RASGRP3: variants seen among roughly 807,000 people sequenced by gnomAD.
RASGRP3 encodes ras guanyl-releasing protein 3.
RASGRP3 carries 54 observed loss-of-function variants against 82.7 expected under a neutral mutation model. That is an observed-to-expected ratio of 0.65 (90% CI 0.52 to 0.82). The LOEUF is 0.82. Ranked by LOEUF, RASGRP3 falls within the 40% of genes least tolerant of loss-of-function variation. The pLI is 0.00. For synonymous variants in RASGRP3, 309 were observed against 300.5 expected (o/e 1.03, Z -0.29); for missense variants, 861 against 828.9 (o/e 1.04, Z -0.48).
chr2:33,545,971 T>C (rs541380288), intron 13 of RASGRP3, among the ~76,000 whole-genome samples: 2 of 151,992 alleles, frequency 1.3e-5, no homozygotes, highest in African/African-American at 2.4e-5. Flanking sequence ...CCAGGCAATT[T>C]TTTTTTTCTT....
At chr2:33,439,964 C>A (rs1239860562) in intron 1 of RASGRP3, among the ~76,000 whole-genome samples, 1 of 152,148 alleles carries the variant, frequency 6.6e-6, no homozygotes, top group Non-Finnish European at 1.5e-5. Context: ...GGAGACACAT[C>A]TGAGAACAAA....
At chr2:33,489,735 C>T (rs1668695335) in intron 1 of RASGRP3, among the ~76,000 whole-genome samples, 1 of 152,106 alleles carries the variant, frequency 6.6e-6, no homozygotes, top group South Asian at 2.1e-4. Flanking sequence ...GGGGGTTTCA[C>T]CATGTTGGCC....
intron 2 of RASGRP3, among the ~76,000 whole-genome samples, chr2:33,461,730 T>G (rs1022490786): frequency 1.3e-5 from 2 of 152,262 alleles, no homozygotes; most frequent in African/African-American, 4.8e-5. Flanking sequence ...TAAGAATATT[T>G]TATCCAAAAG....
chr2:33,524,863 AG>A (rs1318277022), intron 9 of RASGRP3, among the ~76,000 whole-genome samples: 5 of 151,792 alleles, frequency 3.3e-5, no homozygotes, highest in African/African-American at 1.2e-4. Flanking sequence ...GCGGATCACA[AG>A]GTCAGGAGAT....
At chr2:33,526,667 C>A (rs532340148) in intron 9 of RASGRP3, among the ~76,000 whole-genome samples, 1 of 152,288 alleles carries the variant, frequency 6.6e-6, no homozygotes, top group South Asian at 2.1e-4. Flanking sequence ...CAAGGTCACC[C>A]TTCTAGTTAG....
chr2:33,493,612 C>CA (rs1034988499), intron 1 of RASGRP3, among the ~76,000 whole-genome samples: 1 of 151,804 alleles, frequency 6.6e-6, no homozygotes, highest in Admixed American at 6.6e-5. Context: ...CCAGCTCCAC[C>CA]TTCTCAAGCT....
intron 1 of RASGRP3, among the ~76,000 whole-genome samples, chr2:33,478,966 C>G (rs926460241): frequency 6.6e-6 from 1 of 152,092 alleles, no homozygotes; most frequent in African/African-American, 2.4e-5. Flanking sequence ...CTTGACCATA[C>G]GTAACACAGA....
chr2:33,488,955 T>A (rs1213337931), intron 1 of RASGRP3, among the ~76,000 whole-genome samples: 2 of 121,204 alleles, frequency 1.7e-5, no homozygotes, highest in African/African-American at 2.9e-5. Context: ...GTTTGACCGA[T>A]TTTTTTTTTT....
chr2:33,539,499 G>T, intron 12 of RASGRP3: 1 of 242,304 alleles, frequency 4.1e-6, no homozygotes, highest in Non-Finnish European at 7.9e-6. Flanking sequence ...TCAAGGGATT[G>T]GGGATTAGAA....
At chr2:33,539,351 C>G in intron 12 of RASGRP3, 141 bp downstream of exon 12, 1 of 661,280 alleles carries the variant, frequency 1.5e-6, no homozygotes, top group Non-Finnish European at 2.7e-6. Flanking sequence ...GGCACTTAGT[C>G]CTACCAGGCA....
exon 1 of RASGRP3, chr2:33,436,395 A>G (rs970485695): frequency 6.6e-6 from 1 of 152,230 alleles, no homozygotes; most frequent in Non-Finnish European, 1.5e-5. Flanking sequence ...AGGCATAAAC[A>G]GCTTGCAAAT....
chr2:33,554,364 GTTC>G (rs1675689489), intron 14 of RASGRP3, among the ~76,000 whole-genome samples: 1 of 152,122 alleles, frequency 6.6e-6, no homozygotes, highest in Non-Finnish European at 1.5e-5. Flanking sequence ...GTTAGCAATA[GTTC>G]TTCTCCAACT....
chr2:33,494,720 A>AAAG (rs761899352), intron 1 of RASGRP3, among the ~76,000 whole-genome samples: 2 of 152,340 alleles, frequency 1.3e-5, no homozygotes, highest in East Asian at 3.9e-4. Flanking sequence ...TTTACAAAGT[A>AAAG]AAGTATTGAG....
In RASGRP3 at chr2:33,564,389, A is replaced by G. The variant is rs778376939; in HGVS notation, c.*1652A>G. The G allele has an allele frequency of 6.6e-6, 1 of 152,226 alleles. No homozygotes were observed. The highest frequency in any genetic ancestry group is 1.5e-5 in the Non-Finnish European group (1 of 68,032). 9.4% of individuals were successfully genotyped at this position (152,226 alleles called of 1,614,324 possible). On this transcript the variant is annotated 3_prime_UTR_variant, in exon 18 of 18. Coordinates refer to ENST00000403687, the MANE Select transcript of RASGRP3 (RefSeq NM_001139488.2). ...GATAATAAGAGAACGTGCCATCTGT[A>G]AAGCACTCAGAAGGCAGCCATCCCT...
At chr2:33,446,227 T>C (rs1268723251) in intron 1 of RASGRP3, among the ~76,000 whole-genome samples, 1 of 152,194 alleles carries the variant, frequency 6.6e-6, no homozygotes, top group Non-Finnish European at 1.5e-5. Flanking sequence ...GTGCAATCTT[T>C]GGCTCACTGC....
chr2:33,508,209 T>C (rs763800930), intron 1 of RASGRP3, among the ~76,000 whole-genome samples: 13 of 152,158 alleles, frequency 8.5e-5, no homozygotes, highest in Non-Finnish European at 1.6e-4. Flanking sequence ...CAGTATTGAT[T>C]TAGAGATGCC....
At chr2:33,561,212 A>C (rs550082775) in intron 17 of RASGRP3, among the ~76,000 whole-genome samples, 1 of 152,176 alleles carries the variant, frequency 6.6e-6, no homozygotes, top group Non-Finnish European at 1.5e-5. Flanking sequence ...GACTGCAGGC[A>C]TGTGCCACCA....
chr2:33,464,729 G>C (rs1163239294), intron 2 of RASGRP3, among the ~76,000 whole-genome samples: 2 of 152,110 alleles, frequency 1.3e-5, no homozygotes, highest in Non-Finnish European at 2.9e-5. Context: ...GTCCTACCTA[G>C]GCCTCTGCAA....
chr2:33,561,078 T>C (rs867771883), intron 17 of RASGRP3, among the ~76,000 whole-genome samples: 1 of 152,094 alleles, frequency 6.6e-6, no homozygotes, highest in Non-Finnish European at 1.5e-5. Flanking sequence ...CTTTTTTTTT[T>C]TTCTTTGAGA....
Sources: allele counts gnomAD v4.1 joint callset (sites outside exome capture counted in the v4.1 genomes callset), GRCh38; gene constraint gnomAD v4.1.1; transcripts MANE v1.5; gene names NCBI Gene and HGNC (gene_info 2026-07-23, HGNC 2026-07-21).